CYP3A7: variants seen among roughly 807,000 people sequenced by gnomAD.
CYP3A7 encodes the protein cytochrome P450 family 3 subfamily A member 7, also known as cytochrome P450 3A7.
Under a neutral mutation model 55.2 loss-of-function variants are expected in CYP3A7, and 45 were observed. That is an observed-to-expected ratio of 0.82 (90% confidence interval 0.64 to 1.05). The LOEUF is 1.05. Among genes scored for constraint, CYP3A7 ranks in the 50% least tolerant of loss-of-function variants. The probability of loss-of-function intolerance (pLI) is 0.00; values close to 1 mark genes in which losing one functional copy is unlikely to be tolerated. For synonymous variants in CYP3A7, 180 were observed against 207.4 expected (o/e 0.87, Z 1.13); for missense variants, 548 against 605.3 (o/e 0.91, Z 0.99).
At chr7:99,733,584 C>T (rs1814711883) in intron 1 of CYP3A7, among the ~76,000 whole-genome samples, 1 of 152,146 alleles carries the variant, frequency 6.6e-6, no homozygotes, top group Admixed American at 6.5e-5. Context: ...TAGTGACAGC[C>T]CCACAACATG....
At chr7:99,721,537 G>A (rs564150207) in intron 3 of CYP3A7, among the ~76,000 whole-genome samples, 1 of 152,274 alleles carries the variant, frequency 6.6e-6, no homozygotes, top group South Asian at 2.1e-4. Context: ...AAGAAGAGGG[G>A]AATAGGCAGA....
intron 8 of CYP3A7, among the ~76,000 whole-genome samples, chr7:99,714,102 C>G (rs1222114727): frequency 6.6e-6 from 1 of 152,222 alleles, no homozygotes; most frequent in East Asian, 1.9e-4. Context: ...ATGTAACACA[C>G]ACTACACTTC....
intron 12 of CYP3A7, 26 bp downstream of exon 12, chr7:99,707,786 A>T (rs1258153624): frequency 6.2e-7 from 1 of 1,613,258 alleles, no homozygotes; most frequent in Non-Finnish European, 8.5e-7. Flanking sequence ...TTAATAAAAC[A>T]TTATTAATGC....
chr7:99,729,824 C>A (rs1814551638), intron 2 of CYP3A7, among the ~76,000 whole-genome samples: 1 of 152,184 alleles, frequency 6.6e-6, no homozygotes, highest in African/African-American at 2.4e-5. Flanking sequence ...CCCCTATCTC[C>A]CCTTGCTGAC....
rs201487032 is a variant in CYP3A7, at chr7:99,731,076, C to A, written c.148G>T (p.Ala50Ser). The A allele has an allele frequency of 1.9e-6, 3 of 1,613,666 alleles. No individual in the cohort carries two copies. The highest frequency in any genetic ancestry group is 2.5e-6 in the Non-Finnish European group (3 of 1,179,770). ...GPTPLPFLGN[A>S]LSFRKGYWTF... ...ACACTCACCTTACGGAAGGACAAAG[C>A]ATTTCCCAAAAAAGGCAGAGGTGTG... Residue 50 changes from alanine to serine, a missense_variant, in exon 2 of 13, where the codon GCT becomes TCT. Physicochemically the swap from Ala to Ser is moderately conservative, Grantham distance 99 (BLOSUM62 1). Coordinates refer to ENST00000336374, the MANE Select transcript of CYP3A7 (RefSeq NM_000765.5).
intron 2 of CYP3A7, among the ~76,000 whole-genome samples, chr7:99,728,124 C>T (rs1402884954): frequency 1.3e-5 from 2 of 152,198 alleles, no homozygotes; most frequent in African/African-American, 4.8e-5. Context: ...AAGTTTCCAT[C>T]TATCAATCCC....
intron 9 of CYP3A7, among the ~76,000 whole-genome samples, chr7:99,713,122 A>G (rs1350279298): frequency 2.0e-5 from 3 of 152,314 alleles, no homozygotes; most frequent in East Asian, 3.9e-4. Flanking sequence ...CAAAAATTGC[A>G]ATTATTTTTG....
Position 99,731,058 on chromosome 7 carries a change from C to G in CYP3A7, c.165+1G>C. On this transcript the variant is annotated splice_donor_variant, in intron 2 of 12. Coordinates refer to ENST00000336374, the MANE Select transcript of CYP3A7 (RefSeq NM_000765.5). LOFTEE classifies it high-confidence loss of function. ...AAAAGAGGAAGCTCAAAAACACTCACCTTACGGAAGGACAAAGCATTTCCC... is the reference window on the plus strand; with the variant it reads ...AAAAGAGGAAGCTCAAAAACACTCAGCTTACGGAAGGACAAAGCATTTCCC... The G allele has an allele frequency of 1.2e-6, 2 of 1,613,780 alleles. No homozygotes were observed. The highest frequency in any genetic ancestry group is 1.7e-6 in the Non-Finnish European group (2 of 1,179,756).
At chr7:99,715,327 A>G (rs1206542938) in intron 7 of CYP3A7, 4 of 192,720 alleles carry the variant, frequency 2.1e-5, no homozygotes, top group Admixed American at 5.3e-5. Flanking sequence ...CCACAAATCA[A>G]TAATCTACAT....
rs1229908716 is a variant in CYP3A7, at chr7:99,715,848, C to T, written c.580G>A (p.Asp194Asn). ...GGGTCTTGTGGATTGTTGAGAGAGT[C>T]GATGCTCACTCCAAATGATGTGCTA... ...ITSTSFGVSIDSLNNPQDPFV... is the reference protein window; with the variant it reads ...ITSTSFGVSINSLNNPQDPFV... The change falls in exon 7 of 13, where the codon GAC (aspartate) becomes AAC (asparagine). Residue 194 changes from aspartate to asparagine, a missense_variant. Asp to Asn is a conservative substitution (Grantham distance 23). Coordinates refer to ENST00000336374, the MANE Select transcript of CYP3A7 (RefSeq NM_000765.5). 4.3e-6 allele frequency: 7 copies of T among 1,613,722 alleles called. No individual in the cohort carries two copies. Among genetic ancestry groups the T allele is most frequent in the Admixed American group, 1.7e-5 (1 of 59,982 alleles).
At chr7:99,726,339 C>T (rs1814409871) in intron 2 of CYP3A7, among the ~76,000 whole-genome samples, 1 of 152,204 alleles carries the variant, frequency 6.6e-6, no homozygotes, top group African/African-American at 2.4e-5. Context: ...AGCCTACAAA[C>T]TCTCCTTATA....
At position 99,714,680 on chromosome 7, in the gene CYP3A7, C is replaced by T. The variant is rs779440180; in HGVS notation, c.673G>A (p.Val225Ile). The T allele has an allele frequency of 2.5e-6, 4 of 1,608,944 alleles. No homozygotes were observed. Among genetic ancestry groups the T allele is most frequent in the Non-Finnish European group, 3.4e-6 (4 of 1,177,474 alleles). Residue 225 changes from valine (V) to isoleucine (I), a missense_variant and splice_region_variant, in exon 8 of 13, where the codon GTC (valine) becomes ATC (isoleucine). By Grantham distance (29) the Val-to-Ile change is conservative. Coordinates refer to ENST00000336374, the MANE Select transcript of CYP3A7 (RefSeq NM_000765.5). ...AGAATTGGGGTAAGGAATGGAAAGA[C>T]TTCTGTAGAAAAAAAAAACCAACAG... ...PLDPFVLSIK[V>I]FPFLTPILEA... is the part of the protein sequence containing the mutation.
intron 5 of CYP3A7, 77 bp from the exon 6 acceptor site, chr7:99,717,342 T>TGGAA: frequency 1.2e-6 from 2 of 1,610,480 alleles, no homozygotes; most frequent in Non-Finnish European, 1.7e-6. Context: ...TTGCCTGGCA[T>TGGAA]GGAACAATAA....
chr7:99,709,279 G>A lies in CYP3A7; in HGVS notation c.1027-18C>T. The A allele has an allele frequency of 6.2e-7, 1 of 1,612,078 alleles. No homozygotes were observed. The highest frequency in any genetic ancestry group is 8.5e-7 in the Non-Finnish European group (1 of 1,178,946). ...GGTGGTGCCTGAAAAGAAAGAAACA[G>A]ATTTGGATAAATTGAGATTTTTGAA... On this transcript the variant is annotated intron_variant, in intron 10 of 12. Transcript: ENST00000336374.
At chr7:99,715,197 G>C (rs1813893130) in intron 7 of CYP3A7, among the ~76,000 whole-genome samples, 1 of 152,152 alleles carries the variant, frequency 6.6e-6, no homozygotes, top group African/African-American at 2.4e-5. Context: ...AGGGCAAATA[G>C]AAACTGTTTT....
intron 6 of CYP3A7, among the ~76,000 whole-genome samples, chr7:99,716,435 C>T (rs1208294645): frequency 6.6e-6 from 1 of 152,178 alleles, no homozygotes; most frequent in Non-Finnish European, 1.5e-5. Flanking sequence ...TTGGAAAATT[C>T]CACTATCCCC....
intron 9 of CYP3A7, among the ~76,000 whole-genome samples, chr7:99,711,336 T>G (rs1813741572): frequency 6.6e-6 from 1 of 152,198 alleles, no homozygotes; most frequent in Admixed American, 6.5e-5. Flanking sequence ...TTTGCAACAT[T>G]AATGGCTAGA....
At chr7:99,726,120 T>G (rs974637600) in intron 2 of CYP3A7, among the ~76,000 whole-genome samples, 2 of 152,048 alleles carry the variant, frequency 1.3e-5, no homozygotes, top group Non-Finnish European at 2.9e-5. Context: ...ACCCAAAGCC[T>G]CCTTCGTGTC....
intron 1 of CYP3A7, among the ~76,000 whole-genome samples, chr7:99,731,527 A>T (rs1814619692): frequency 1.3e-5 from 2 of 152,152 alleles, no homozygotes; most frequent in Non-Finnish European, 2.9e-5. Context: ...TGGGATTCTC[A>T]TCCTAGGTAG....
Sources: gnomAD v4.1 joint callset for allele counts (sites outside exome capture counted in the v4.1 genomes callset) on GRCh38, gnomAD v4.1.1 for gene constraint, MANE v1.5 for transcripts, NCBI Gene and HGNC (gene_info 2026-07-23, HGNC 2026-07-21) for gene names.